SEMA3D: variants seen among roughly 807,000 people sequenced by gnomAD.
SEMA3D encodes semaphorin-3D.
Under a neutral mutation model 100.1 loss-of-function variants are expected in SEMA3D, and 84 were observed. That is an observed-to-expected ratio of 0.84 (90% CI 0.70 to 1.01). The LOEUF (loss-of-function observed/expected upper bound fraction) is 1.01, where lower values mean the gene tolerates loss of function less well. SEMA3D is among the 50% of genes least tolerant of loss of function. The pLI, the probability that SEMA3D is intolerant of heterozygous loss-of-function variation, is 0.00. For missense variants in SEMA3D, 875 were observed against 934.1 expected (o/e 0.94, Z 0.82); for synonymous variants, 312 against 320.7 (o/e 0.97, Z 0.29).
chr7:85,061,642 A>T (rs1184557395), intron 8 of SEMA3D, among the ~76,000 whole-genome samples: 1 of 152,130 alleles, frequency 6.6e-6, no homozygotes, highest in East Asian at 1.9e-4. Context: ...CCCATTTCTC[A>T]TAAAGGACAG....
At chr7:85,139,593 T>C (rs997048854) in intron 2 of SEMA3D, among the ~76,000 whole-genome samples, 1 of 151,946 alleles carries the variant, frequency 6.6e-6, no homozygotes, top group Non-Finnish European at 1.5e-5. Flanking sequence ...AAAATGTTTC[T>C]AAAGAAGTGA....
At chr7:85,124,183 T>A (rs1345487538) in intron 2 of SEMA3D, among the ~76,000 whole-genome samples, 1 of 151,968 alleles carries the variant, frequency 6.6e-6, no homozygotes, top group Non-Finnish European at 1.5e-5. Context: ...AATATATGAG[T>A]TTTGAATCAT....
chr7:85,012,937 G>A, intron 16 of SEMA3D, 91 bp from the exon 17 acceptor site: 2 of 901,532 alleles, frequency 2.2e-6, no homozygotes, highest in Non-Finnish European at 3.6e-6. Context: ...AGTGGCAGAT[G>A]CAGTACTATG....
intron 5 of SEMA3D, among the ~76,000 whole-genome samples, chr7:85,074,176 C>A (rs1328639732): frequency 6.6e-6 from 1 of 152,086 alleles, no homozygotes; most frequent in East Asian, 1.9e-4. Flanking sequence ...AGGAGACAGG[C>A]AAGTGTTGGG....
At chr7:85,047,387 A>G (rs1384940616) in intron 9 of SEMA3D, among the ~76,000 whole-genome samples, 2 of 151,866 alleles carry the variant, frequency 1.3e-5, no homozygotes, top group African/African-American at 4.8e-5. Context: ...TAAATCTTAT[A>G]TAGACATGTA....
intron 12 of SEMA3D, among the ~76,000 whole-genome samples, chr7:85,036,622 GA>G (rs1790702255): frequency 6.6e-6 from 1 of 151,920 alleles, no homozygotes; most frequent in Admixed American, 6.6e-5. Flanking sequence ...TCTTTCCAAT[GA>G]TTCTATAAAC....
chr7:85,053,206 T>A (rs1355000985), intron 9 of SEMA3D, among the ~76,000 whole-genome samples: 4 of 152,002 alleles, frequency 2.6e-5, no homozygotes, highest in East Asian at 3.9e-4. Flanking sequence ...AGGACTCTCA[T>A]GTTACTAAAA....
chr7:85,006,658 G>T (rs2115744601), intron 18 of SEMA3D, 144 bp downstream of exon 18: 1 of 552,724 alleles, frequency 1.8e-6, no homozygotes, highest in Non-Finnish European at 3.0e-6. Context: ...CAAAGCTATT[G>T]TTACCTTTGG....
Position 85,036,874 on chromosome 7 carries a change from A to G in SEMA3D, c.1191+15T>C, listed in dbSNP as rs1035882539. On this transcript the variant is annotated intron_variant, in intron 12 of 18. Coordinates refer to ENST00000284136, the MANE Select transcript of SEMA3D (RefSeq NM_001384900.1). ...AGCTTAAGAAAATAATTTGATTATT[A>G]AGTTGGATACATACTGTACCAGGCC... 1 of 1,578,698 alleles carries G rather than the reference A, an allele frequency of 6.3e-7. No individual in the cohort carries two copies.
At chr7:85,242,281 A>AT in the SEMA3D span, among the ~76,000 whole-genome samples, 1 of 151,692 alleles carries the variant, frequency 6.6e-6, no homozygotes, top group Non-Finnish European at 1.5e-5. Flanking sequence ...ATAATTTTAC[A>AT]TTTTTTTCTA....
chr7:85,230,507 C>T, the SEMA3D span, among the ~76,000 whole-genome samples: 2 of 152,136 alleles, frequency 1.3e-5, no homozygotes, highest in Admixed American at 6.5e-5. Flanking sequence ...AAACAGTCAA[C>T]GTATCTCATA....
At chr7:85,074,228 T>C (rs947599527) in intron 5 of SEMA3D, among the ~76,000 whole-genome samples, 3 of 152,162 alleles carry the variant, frequency 2.0e-5, no homozygotes, top group South Asian at 2.1e-4. Flanking sequence ...CTGGATTGCA[T>C]AGAAAAAGTC....
At chr7:85,039,274 T>G (rs936615363) in intron 11 of SEMA3D, among the ~76,000 whole-genome samples, 1 of 152,168 alleles carries the variant, frequency 6.6e-6, no homozygotes. Flanking sequence ...CAACTTGTTT[T>G]GTTTTGTTTG....
the SEMA3D span, among the ~76,000 whole-genome samples, chr7:85,222,233 T>G: frequency 6.6e-6 from 1 of 152,098 alleles, no homozygotes; most frequent in Admixed American, 6.6e-5. Flanking sequence ...GATATTTTAT[T>G]TAAATAAAGC....
At chr7:85,138,201 T>C (rs1789918630) in intron 2 of SEMA3D, among the ~76,000 whole-genome samples, 1 of 152,158 alleles carries the variant, frequency 6.6e-6, no homozygotes, top group South Asian at 2.1e-4. Context: ...TATCTGCTGT[T>C]CTGACTCATT....
chr7:85,125,857 T>C (rs1379841550), intron 2 of SEMA3D, among the ~76,000 whole-genome samples: 1 of 151,542 alleles, frequency 6.6e-6, no homozygotes, highest in African/African-American at 2.4e-5. Context: ...TGGAGAGAAG[T>C]AGGTGTGATT....
chr7:85,029,308 A>G (rs1488308552), intron 12 of SEMA3D: 11 of 1,174,092 alleles, frequency 9.4e-6, no homozygotes, highest in Non-Finnish European at 1.4e-5. Flanking sequence ...CATTGAGCCT[A>G]TGGTCCAGGA....
the SEMA3D span, among the ~76,000 whole-genome samples, chr7:85,242,781 T>C: frequency 2.6e-5 from 4 of 152,178 alleles, no homozygotes; most frequent in Non-Finnish European, 4.4e-5. Flanking sequence ...ATTATCATTA[T>C]GTAGTACTGT....
intron 12 of SEMA3D, among the ~76,000 whole-genome samples, chr7:85,032,256 A>G (rs1790570603): frequency 6.6e-6 from 1 of 152,004 alleles, no homozygotes; most frequent in East Asian, 1.9e-4. Flanking sequence ...AGTGTTATTA[A>G]TGGTAAAGTG....
Sources: allele counts gnomAD v4.1 joint callset (sites outside exome capture counted in the v4.1 genomes callset), GRCh38; gene constraint gnomAD v4.1.1; transcripts MANE v1.5; gene names NCBI Gene and HGNC (gene_info 2026-07-23, HGNC 2026-07-21).